CNST: variants seen among roughly 807,000 people sequenced by gnomAD.
CNST encodes consortin.
CNST carries 39 observed loss-of-function variants against 72.4 expected under a neutral mutation model. That is an observed-to-expected ratio of 0.54 (90% CI 0.42 to 0.70). The LOEUF (loss-of-function observed/expected upper bound fraction) is 0.70. Among genes scored for constraint, CNST ranks in the 30% least tolerant of loss-of-function variants. The pLI, the probability that CNST is intolerant of heterozygous loss-of-function variation, is 0.00. For missense variants in CNST, 871 were observed against 868.5 expected, an observed-to-expected ratio of 1.00 and a Z score of -0.04; for synonymous variants, 332 against 320.1, an observed-to-expected ratio of 1.04 and a Z score of -0.40.
At chr1:246,598,235 T>C (rs1662020835) in intron 2 of CNST, among the ~76,000 whole-genome samples, 1 of 151,924 alleles carries the variant, frequency 6.6e-6, no homozygotes, top group East Asian at 1.9e-4. Context: ...TCCACCAGCT[T>C]TGGCCCCCTA....
At chr1:246,616,397 A>G (rs1452849902) in intron 2 of CNST, among the ~76,000 whole-genome samples, 1 of 151,992 alleles carries the variant, frequency 6.6e-6, no homozygotes, top group Non-Finnish European at 1.5e-5. Flanking sequence ...GCCCCCCCAG[A>G]AAATTTAAAA....
At chr1:246,645,032 G>GT (rs1665953047) in intron 8 of CNST, among the ~76,000 whole-genome samples, 1 of 152,194 alleles carries the variant, frequency 6.6e-6, no homozygotes, top group African/African-American at 2.4e-5. Context: ...AAGGAAGGCT[G>GT]TATTCTCCCA....
At chr1:246,605,736 T>C (rs1408192187) in intron 2 of CNST, 4 of 122,372 alleles carry the variant, frequency 3.3e-5, no homozygotes, top group African/African-American at 8.9e-5. Context: ...GTAGGTGTCT[T>C]CCGGCCGGGG....
intron 2 of CNST, among the ~76,000 whole-genome samples, chr1:246,603,536 T>G (rs1049644767): frequency 1.3e-5 from 2 of 152,222 alleles, no homozygotes; most frequent in African/African-American, 4.8e-5. Context: ...CGCCTGCCGC[T>G]TAGTTTGTAA....
Position 246,642,033 on chromosome 1 carries a change from G to T in CNST, c.933G>T (p.Glu311Asp). Residue 311 changes from glutamate to aspartate, a missense_variant, in exon 8 of 11, where the codon GAG (glutamate) becomes GAT (aspartate). Transcript: ENST00000366513. ...DPKEGGATTK[E>D]SESKTCLGTE... ...AGGAAGGAGGAGCTACCACCAAAGA[G>T]TCAGGTATGTTTTTAACTTAAGCTA... 1 of 1,591,922 alleles carries T rather than the reference G, an allele frequency of 6.3e-7. No individual in the cohort carries two copies. The highest frequency in any genetic ancestry group is 2.3e-5 in the East Asian group (1 of 44,164).
intron 3 of CNST, among the ~76,000 whole-genome samples, chr1:246,628,614 T>C (rs1462650741): frequency 6.6e-6 from 1 of 152,238 alleles, no homozygotes; most frequent in African/African-American, 2.4e-5. Context: ...TGAAGTCATA[T>C]GCTTGGCAGG....
intron 2 of CNST, among the ~76,000 whole-genome samples, chr1:246,612,994 A>G (rs1572177591): frequency 6.6e-6 from 1 of 152,186 alleles, no homozygotes; most frequent in East Asian, 1.9e-4. Flanking sequence ...ATTATTTACT[A>G]TATGCCAGCC....
chr1:246,660,973 T>C (rs1227356400), intron 10 of CNST, among the ~76,000 whole-genome samples: 1 of 151,748 alleles, frequency 6.6e-6, no homozygotes. Context: ...CTTTTGTTGT[T>C]TTTTTGTTTT....
rs1010404041 is a variant in CNST at position 246,666,577 on chromosome 1, G to C, written c.*672G>C. 6.6e-6 allele frequency: 1 copy of C among 152,288 alleles called. No homozygotes were observed. Among genetic ancestry groups the C allele is most frequent in the Non-Finnish European group, 1.5e-5 (1 of 68,048 alleles). The allele number at this position is 152,288 out of a possible 1,614,324, so 9.4% of individuals were successfully genotyped here. A position where few individuals can be genotyped will look rare whatever the true frequency, so the allele number is the denominator to read the frequency against. Reference sequence around the variant, plus strand: ...TTGGAGAAGGCTTAACTGTGGAATAGATGAATTCTAGAACTCTTGACCCTG... The same window carrying C: ...TTGGAGAAGGCTTAACTGTGGAATACATGAATTCTAGAACTCTTGACCCTG... On this transcript the variant is annotated 3_prime_UTR_variant, in exon 11 of 11. Transcript: ENST00000366513.
rs1247242215 is a variant in CNST, at chr1:246,647,247, C to T, written c.1046C>T (p.Pro349Leu). ...CAGATGGACGTGCAAACAGATTCCC[C>T]AAGCCTTTCGGTAACTGCAGGAAAG... ...CHQMDVQTDS[P>L]SLSVTAGKDH... is the part of the protein sequence containing the mutation. Residue 349 changes from proline to leucine, a missense_variant, in exon 9 of 11, where the codon CCA becomes CTA. Transcript: ENST00000366513. The T allele has an allele frequency of 1.2e-6, 2 of 1,614,178 alleles. No individual in the cohort carries two copies. Among genetic ancestry groups the T allele is most frequent in the Non-Finnish European group, 1.7e-6 (2 of 1,180,046 alleles).
chr1:246,602,428 G>C (rs1253204497), intron 2 of CNST, among the ~76,000 whole-genome samples: 1 of 152,206 alleles, frequency 6.6e-6, no homozygotes, highest in East Asian at 1.9e-4. Context: ...TGGATAATCT[G>C]CTTCCAAGGT....
chr1:246,624,200 C>T (rs1450192834), intron 3 of CNST, among the ~76,000 whole-genome samples: 3 of 152,212 alleles, frequency 2.0e-5, no homozygotes, highest in South Asian at 2.1e-4. Flanking sequence ...TAAGCTGTCA[C>T]GAACTCACCA....
chr1:246,588,033 C>G (rs1240525200), intron 1 of CNST, among the ~76,000 whole-genome samples: 1 of 151,980 alleles, frequency 6.6e-6, no homozygotes, highest in East Asian at 1.9e-4. Flanking sequence ...TGTCTTGTAA[C>G]TTTGTCACAT....
At position 246,666,023 on chromosome 1, in the gene CNST, A is replaced by G; in HGVS notation, c.*118A>G. On this transcript the variant is annotated 3_prime_UTR_variant, in exon 11 of 11. Transcript: ENST00000366513. The stretch of plus-strand genomic sequence containing the variant: ...CTTCCCTCTGTTAGGAACCAAGGAC[A>G]TCAGAAATAGCAACTTTAAGTGGCA... The G allele has an allele frequency of 1.4e-6, 1 of 706,484 alleles. No individual in the cohort carries two copies. Among genetic ancestry groups the G allele is most frequent in the Non-Finnish European group, 2.3e-6 (1 of 431,002 alleles). 43.8% of individuals were successfully genotyped at this position (706,484 alleles called of 1,614,324 possible). A position where few individuals can be genotyped will look rare whatever the true frequency, so the allele number is the denominator to read the frequency against.
chr1:246,586,854 A>G (rs1481206019), intron 1 of CNST, among the ~76,000 whole-genome samples: 1 of 152,192 alleles, frequency 6.6e-6, no homozygotes, highest in African/African-American at 2.4e-5. Context: ...TAAAGTAGCA[A>G]TTTGGTATTT....
intron 1 of CNST, among the ~76,000 whole-genome samples, chr1:246,576,358 C>A (rs1660430086): frequency 7.3e-6 from 1 of 137,294 alleles, no homozygotes; most frequent in East Asian, 2.3e-4. Context: ...GTGAACAAAA[C>A]TTTAATTTTT....
intron 2 of CNST, among the ~76,000 whole-genome samples, chr1:246,620,717 T>C (rs12136481): frequency 0.38 from 48,302 of 128,732 alleles, 9,783 homozygotes; most frequent in East Asian, 0.68. Flanking sequence ...TCGTGGTGCA[T>C]ACACACGATG....
intron 6 of CNST, among the ~76,000 whole-genome samples, chr1:246,635,807 G>A (rs145116438): frequency 0.013 from 1,984 of 152,294 alleles, 16 homozygotes; most frequent in Middle Eastern, 0.037. Flanking sequence ...CGTAATATTC[G>A]ATGATCCATT....
At chr1:246,590,757 G>A (rs1036195124) in intron 1 of CNST, among the ~76,000 whole-genome samples, 3 of 151,798 alleles carry the variant, frequency 2.0e-5, no homozygotes, top group Admixed American at 2.0e-4. Flanking sequence ...TAAAGGGCTT[G>A]CAGTCTGTTT....
Sources: allele counts gnomAD v4.1 joint callset (sites outside exome capture counted in the v4.1 genomes callset), GRCh38; gene constraint gnomAD v4.1.1; transcripts MANE v1.5; gene names NCBI Gene and HGNC (gene_info 2026-07-23, HGNC 2026-07-21).